Variants in GALNT14 observed in about 807,000 individuals in gnomAD.
The protein encoded by GALNT14 is UDP-GalNAc:polypeptide N-acetylgalactosaminyltransferase 14.
In GALNT14, 60 loss-of-function variants were observed where a neutral mutation model predicts 77.5. The observed-to-expected ratio is 0.77, with a 90% CI of 0.63 to 0.96. The LOEUF is 0.96. GALNT14 is among the 40% of genes least tolerant of loss of function. The pLI is 0.00. For missense variants in GALNT14, 710 were observed against 731.0 expected, an observed-to-expected ratio of 0.97 and a Z score of 0.33; for synonymous variants, 280 against 281.7, an observed-to-expected ratio of 0.99 and a Z score of 0.06.
At chr2:31,056,667 A>G (rs184442638) in intron 1 of GALNT14, among the ~76,000 whole-genome samples, 123 of 152,352 alleles carry the variant, frequency 8.1e-4, no homozygotes, top group Non-Finnish European at 1.4e-3. Context: ...CAAGATGCAT[A>G]GTATTATAAA....
intron 1 of GALNT14, among the ~76,000 whole-genome samples, chr2:31,037,531 C>T (rs1377328063): frequency 1.3e-5 from 2 of 152,194 alleles, no homozygotes; most frequent in Non-Finnish European, 2.9e-5. Context: ...TTGTTCCCCT[C>T]TTTGTAGAAG....
At chr2:30,956,275 G>A (rs942561011) in intron 4 of GALNT14, among the ~76,000 whole-genome samples, 1 of 151,996 alleles carries the variant, frequency 6.6e-6, no homozygotes, top group African/African-American at 2.4e-5. Context: ...GGAAAATCTT[G>A]GCCTAGTCAC....
chr2:31,079,103 T>C lies in GALNT14; in HGVS notation c.129+58855A>G, dbSNP rs574871460. On this transcript the variant is annotated intron_variant, in intron 1 of 14. Coordinates refer to ENST00000349752, the MANE Select transcript of GALNT14 (RefSeq NM_024572.4). ...AAATACATGAAAATGCATATGATGA[T>C]ATTTGGCATAGGTGACCACACCTTT... 10 of 1,216,894 alleles carry C rather than the reference T, an allele frequency of 8.2e-6. No homozygotes were observed. In the Admixed American group the frequency reaches 1.1e-4, roughly 13 times the overall value. 75.4% of individuals were successfully genotyped at this position (1,216,894 alleles called of 1,614,324 possible).
chr2:31,088,452 G>A (rs904529766), intron 1 of GALNT14, among the ~76,000 whole-genome samples: 2 of 152,140 alleles, frequency 1.3e-5, no homozygotes, highest in Admixed American at 6.5e-5. Context: ...GATTGGGCTT[G>A]GCGTCTCGTG....
At chr2:31,087,775 T>C (rs563524870) in intron 1 of GALNT14, among the ~76,000 whole-genome samples, 115 of 152,316 alleles carry the variant, frequency 7.6e-4, no homozygotes, top group Admixed American at 1.3e-3. Flanking sequence ...GATGATGCTA[T>C]AGACTGAAGG....
intron 13 of GALNT14, 28 bp from the exon 14 acceptor site, chr2:30,912,370 G>T: frequency 6.2e-7 from 1 of 1,611,750 alleles, no homozygotes; most frequent in Non-Finnish European, 8.5e-7. Flanking sequence ...AGGAAGGTTT[G>T]TTCAGGATCC....
At chr2:31,054,878 A>G (rs1018705775) in intron 1 of GALNT14, among the ~76,000 whole-genome samples, 2 of 152,220 alleles carry the variant, frequency 1.3e-5, no homozygotes, top group African/African-American at 4.8e-5. Context: ...AGAGCCATTT[A>G]TTTAGTGGGT....
At chr2:31,033,918 C>T (rs1432001000) in intron 1 of GALNT14, among the ~76,000 whole-genome samples, 1 of 152,222 alleles carries the variant, frequency 6.6e-6, no homozygotes, top group Admixed American at 6.5e-5. Flanking sequence ...CAAACCCTCA[C>T]ATTTATCGAG....
rs79746416 is a variant in GALNT14, at chr2:31,101,253, G to C, written c.129+36705C>G. Among the ~76,000 whole-genome samples, 1,024 of 152,028 alleles carry C rather than the reference G, an allele frequency of 6.7e-3. 15 individuals are homozygous for C. Among genetic ancestry groups the C allele is most frequent in the African/African-American group, 0.024 (987 of 41,470 alleles). On this transcript the variant is annotated intron_variant, in intron 1 of 14. Coordinates refer to ENST00000349752, the MANE Select transcript of GALNT14 (RefSeq NM_024572.4). The stretch of plus-strand genomic sequence containing the variant: ...TGCATTCCAAGAATAAAACCCTCTT[G>C]ATTATGATGGATTAGTCTTCAAATA...
intron 1 of GALNT14, among the ~76,000 whole-genome samples, chr2:31,068,672 T>C (rs1306076882): frequency 1.3e-5 from 2 of 152,184 alleles, no homozygotes; most frequent in African/African-American, 4.8e-5. Context: ...CACTGCCCCG[T>C]GCAGACAGGG....
intron 2 of GALNT14, among the ~76,000 whole-genome samples, chr2:30,975,158 C>G (rs978765218): frequency 1.6e-4 from 25 of 152,304 alleles, no homozygotes; most frequent in African/African-American, 5.8e-4. Flanking sequence ...TGGGGAATAT[C>G]AGGTGGCATC....
At chr2:31,008,900 G>A (rs1670845637) in intron 1 of GALNT14, among the ~76,000 whole-genome samples, 1 of 152,166 alleles carries the variant, frequency 6.6e-6, no homozygotes, top group South Asian at 2.1e-4. Flanking sequence ...GGGACCATGT[G>A]GCACTGCTCA....
chr2:30,986,459 G>A (rs1218008696), intron 2 of GALNT14, among the ~76,000 whole-genome samples: 1 of 152,174 alleles, frequency 6.6e-6, no homozygotes, highest in East Asian at 1.9e-4. Flanking sequence ...CTTGGATAAT[G>A]GCAAATCCAG....
chr2:30,890,161 T>C, the GALNT14 span, among the ~76,000 whole-genome samples: 1 of 152,070 alleles, frequency 6.6e-6, no homozygotes, highest in South Asian at 2.1e-4. Context: ...AGGAGCCCGG[T>C]GGTCTACATG....
intron 1 of GALNT14, among the ~76,000 whole-genome samples, chr2:31,029,747 G>C (rs940190378): frequency 3.9e-5 from 6 of 152,208 alleles, no homozygotes; most frequent in African/African-American, 1.2e-4. Context: ...TCCTGTTGCA[G>C]AGTGCTACTC....
intron 1 of GALNT14, among the ~76,000 whole-genome samples, chr2:31,100,178 T>G (rs7565904): frequency 0.44 from 66,906 of 151,802 alleles, 15,160 homozygotes; most frequent in Middle Eastern, 0.48. Flanking sequence ...TTAACATCAT[T>G]GATAGGTGGT....
chr2:31,040,160 T>C (rs1244468725), intron 1 of GALNT14, among the ~76,000 whole-genome samples: 1 of 152,212 alleles, frequency 6.6e-6, no homozygotes, highest in Non-Finnish European at 1.5e-5. Flanking sequence ...TCAGTATAAA[T>C]CACCTTATTG....
intron 1 of GALNT14, among the ~76,000 whole-genome samples, chr2:31,053,177 T>G (rs1010265874): frequency 7.9e-5 from 12 of 152,198 alleles, no homozygotes; most frequent in African/African-American, 2.7e-4. Context: ...GGTGTTCCAC[T>G]GGGCACTTCT....
downstream of GALNT14, among the ~76,000 whole-genome samples, chr2:30,910,279 T>A (rs1445784107): frequency 6.6e-6 from 1 of 151,648 alleles, no homozygotes; most frequent in Admixed American, 6.6e-5. Flanking sequence ...AAATGGTGGG[T>A]CAAAGAAGTT....
Sources: gnomAD v4.1 joint callset for allele counts (sites outside exome capture counted in the v4.1 genomes callset) on GRCh38, gnomAD v4.1.1 for gene constraint, MANE v1.5 for transcripts, NCBI Gene and HGNC (gene_info 2026-07-23, HGNC 2026-07-21) for gene names.